The following CTNND2 variants were observed in gnomAD, a reference collection of about 807,000 sequenced individuals.
The protein encoded by CTNND2 is catenin delta 2, also known as catenin delta-2.
CTNND2 carries 22 observed loss-of-function variants against 144.4 expected under a neutral mutation model. The observed-to-expected ratio is 0.15, with a 90% confidence interval of 0.11 to 0.22. The LOEUF (loss-of-function observed/expected upper bound fraction) is 0.22. CTNND2 is among the 10% of genes least tolerant of loss of function. CTNND2 has a pLI of 1.00. For synonymous variants in CTNND2, 751 were observed against 695.6 expected (o/e 1.08, Z -1.25); for missense variants, 1,353 against 1,618.8 (o/e 0.84, Z 2.82).
intron 16 of CTNND2, among the ~76,000 whole-genome samples, chr5:11,050,419 C>A (rs1333029445): frequency 1.3e-5 from 2 of 152,102 alleles, no homozygotes; most frequent in Non-Finnish European, 2.9e-5. Context: ...AGATGTAGTA[C>A]CAGAAGGAGA....
At position 11,775,181 on chromosome 5, in the gene CTNND2, T is replaced by C. The variant is rs558664286; in HGVS notation, c.38-42909A>G. 2.6e-5 allele frequency among the ~76,000 whole-genome samples: 4 copies of C among 152,196 alleles called. No homozygotes were observed. The South Asian group carries it at 8.3e-4, about 32-fold the overall frequency. Reference sequence around the variant, plus strand: ...CTCCCATTCTGGCCTTACATAAAGATGATAGAATTTTAGTACACAGTTAAA... The same window carrying C: ...CTCCCATTCTGGCCTTACATAAAGACGATAGAATTTTAGTACACAGTTAAA... On this transcript the variant is annotated intron_variant, in intron 1 of 21. Coordinates refer to ENST00000304623, the MANE Select transcript of CTNND2 (RefSeq NM_001332.4).
At position 10,991,341 on chromosome 5, in the gene CTNND2, A is replaced by G. The variant is rs185498935; in HGVS notation, c.3211+1210T>C. The stretch of plus-strand genomic sequence containing the variant: ...CCCAGGTGTCATTTCAGAGAATAGG[A>G]TTTCCTCAGCAGGGAGAGGGCAGAG... On this transcript the variant is annotated intron_variant, in intron 19 of 21. Transcript: ENST00000304623. Among the ~76,000 whole-genome samples the G allele has an allele frequency of 2.4e-3, 362 of 152,274 alleles. 4 individuals carry two copies. The highest frequency in any genetic ancestry group is 8.7e-4 in the Non-Finnish European group (59 of 68,022).
rs115367931 is a variant in CTNND2, at chr5:11,516,590, A to G, written c.287+48354T>C. ...TGAAATTAAGAATACAATTTCACTT[A>G]CAATAGCATCAAAAATTAATAAAAG... On this transcript the variant is annotated intron_variant, in intron 3 of 21. Transcript: ENST00000304623. 6.5e-3 allele frequency among the ~76,000 whole-genome samples: 991 copies of G among 152,326 alleles called. 10 individuals carry two copies. The highest frequency in any genetic ancestry group is 0.022 in the African/African-American group (933 of 41,590).
chr5:11,692,745 G>C (rs1398270546), intron 2 of CTNND2, among the ~76,000 whole-genome samples: 1 of 152,234 alleles, frequency 6.6e-6, no homozygotes, highest in Non-Finnish European at 1.5e-5. Context: ...GCAATTTCAG[G>C]TGGCTGCCGC....
At chr5:11,295,422 G>C (rs529599386) in intron 9 of CTNND2, among the ~76,000 whole-genome samples, 1 of 152,152 alleles carries the variant, frequency 6.6e-6, no homozygotes, top group Non-Finnish European at 1.5e-5. Context: ...GTAATTTATA[G>C]ATTCAATGCC....
intron 16 of CTNND2, among the ~76,000 whole-genome samples, chr5:11,072,499 A>G (rs1162449782): frequency 3.3e-5 from 5 of 152,262 alleles, no homozygotes; most frequent in Non-Finnish European, 5.9e-5. Flanking sequence ...TAAAAAACCA[A>G]GTTTCCCAAA....
At chr5:11,607,006 T>C (rs1311056073) in intron 2 of CTNND2, among the ~76,000 whole-genome samples, 1 of 152,172 alleles carries the variant, frequency 6.6e-6, no homozygotes, top group Non-Finnish European at 1.5e-5. Flanking sequence ...ACCAGCATCC[T>C]TGTAAAAAGG....
Position 10,992,607 on chromosome 5 carries a change from G to A in CTNND2, c.3155C>T (p.Ser1052Phe), listed in dbSNP as rs766417561. 14 of 1,614,170 alleles carry A rather than the reference G, an allele frequency of 8.7e-6. No homozygotes were observed. The highest frequency in any genetic ancestry group is 1.2e-5 in the Non-Finnish European group (14 of 1,180,044). ...GGAGATGGAGGGCGTGCGGGAGGAG[G>A]AGTAGGGCCTTTGCCGGTCCCTCTC... Reference protein sequence around the residue: ...TIERDRQRPYSSSRTPSISPV... With the variant: ...TIERDRQRPYFSSRTPSISPV... Residue 1052 changes from serine (S) to phenylalanine (F), a missense_variant, in exon 19 of 22, where the codon TCC becomes TTC. Transcript: ENST00000304623.
At chr5:11,388,379 T>C (rs1043695914) in intron 6 of CTNND2, among the ~76,000 whole-genome samples, 1 of 152,212 alleles carries the variant, frequency 6.6e-6, no homozygotes, top group African/African-American at 2.4e-5. Context: ...CATGGGCTGA[T>C]TGACAGCTTG....
intron 3 of CTNND2, among the ~76,000 whole-genome samples, chr5:11,423,916 CAGA>C (rs780759176): frequency 2.0e-5 from 3 of 151,930 alleles, no homozygotes; most frequent in Non-Finnish European, 4.4e-5. Context: ...TGAGGATCAA[CAGA>C]AGATTTGTAA....
At chr5:11,184,756 T>C (rs1735445318) in intron 11 of CTNND2, among the ~76,000 whole-genome samples, 1 of 152,200 alleles carries the variant, frequency 6.6e-6, no homozygotes, top group South Asian at 2.1e-4. Flanking sequence ...CTAGCAATTT[T>C]TGTGTGAAGT....
At chr5:11,798,547 T>C (rs1022648737) in intron 1 of CTNND2, among the ~76,000 whole-genome samples, 1 of 152,162 alleles carries the variant, frequency 6.6e-6, no homozygotes, top group Non-Finnish European at 1.5e-5. Context: ...GGCGGACAGA[T>C]CATGAGGTCA....
At chr5:11,514,621 C>T (rs1483092486) in intron 3 of CTNND2, among the ~76,000 whole-genome samples, 3 of 152,092 alleles carry the variant, frequency 2.0e-5, no homozygotes, top group African/African-American at 7.2e-5. Flanking sequence ...ATAGTGTGAC[C>T]TCAAAAAGCA....
At chr5:11,254,855 G>A (rs968848565) in intron 9 of CTNND2, among the ~76,000 whole-genome samples, 5 of 152,146 alleles carry the variant, frequency 3.3e-5, no homozygotes, top group African/African-American at 1.2e-4. Flanking sequence ...AAACCGTGGT[G>A]TATACTATAT....
At chr5:11,237,810 T>G (rs1741808840) in intron 9 of CTNND2, among the ~76,000 whole-genome samples, 1 of 152,202 alleles carries the variant, frequency 6.6e-6, no homozygotes, top group Non-Finnish European at 1.5e-5. Context: ...GCAGCCAATG[T>G]TTATATCATT....
At chr5:11,287,002 A>C (rs1363430429) in intron 9 of CTNND2, among the ~76,000 whole-genome samples, 1 of 152,218 alleles carries the variant, frequency 6.6e-6, no homozygotes, top group Admixed American at 6.5e-5. Context: ...GAAAAGAGGA[A>C]TGAAATCTAC....
At chr5:11,494,680 G>A (rs1035844313) in intron 3 of CTNND2, among the ~76,000 whole-genome samples, 1 of 152,080 alleles carries the variant, frequency 6.6e-6, no homozygotes, top group Non-Finnish European at 1.5e-5. Flanking sequence ...CAATACTTCT[G>A]ATAGGTTTCA....
intron 12 of CTNND2, among the ~76,000 whole-genome samples, chr5:11,127,387 G>C (rs972089183): frequency 1.3e-5 from 2 of 152,160 alleles, no homozygotes; most frequent in Non-Finnish European, 2.9e-5. Context: ...TGTCCTTGTC[G>C]TTCTGTGCAG....
rs2277054 is a variant in CTNND2 at position 11,159,931 on chromosome 5, A to G, written c.1976-172T>C. 0.34 allele frequency among the ~76,000 whole-genome samples: 51,398 copies of G among 152,118 alleles called. 10,393 individuals are homozygous for G. Among genetic ancestry groups the G allele is most frequent in the Non-Finnish European group, 0.47 (31,613 of 67,968 alleles). On this transcript the variant is annotated intron_variant, in intron 11 of 21. Transcript: ENST00000304623. ...ACATTCGTGTGAACCCATTAAAAGCATTCTGTGAAAAATCTGATGAGTGAG... is the reference window on the plus strand; with the variant it reads ...ACATTCGTGTGAACCCATTAAAAGCGTTCTGTGAAAAATCTGATGAGTGAG...
Sources: allele counts gnomAD v4.1 joint callset (sites outside exome capture counted in the v4.1 genomes callset), GRCh38; gene constraint gnomAD v4.1.1; transcripts MANE v1.5; gene names NCBI Gene and HGNC (gene_info 2026-07-23, HGNC 2026-07-21).